DGCR2: variants seen among roughly 807,000 people sequenced by gnomAD.
DGCR2 encodes the protein integral membrane protein DGCR2/IDD.
In DGCR2, 24 loss-of-function variants were observed where a neutral mutation model predicts 51.6. The observed-to-expected ratio is 0.47, with a 90% CI of 0.34 to 0.65. The LOEUF is 0.65. Ranked by LOEUF, DGCR2 falls within the 30% of genes least tolerant of loss-of-function variation. The pLI, the probability that DGCR2 is intolerant of heterozygous loss-of-function variation, is 0.01. For missense variants in DGCR2, 765 were observed against 772.1 expected, an observed-to-expected ratio of 0.99 and a Z score of 0.11; for synonymous variants, 340 against 315.4, an observed-to-expected ratio of 1.08 and a Z score of -0.82.
intron 2 of DGCR2, among the ~76,000 whole-genome samples, chr22:19,072,661 TA>T: frequency 6.6e-6 from 1 of 151,966 alleles, no homozygotes; most frequent in East Asian, 1.9e-4. Flanking sequence ...GATCACAAGG[TA>T]AAGAGATCAA....
intron 2 of DGCR2, among the ~76,000 whole-genome samples, chr22:19,086,896 G>A (rs1481269960): frequency 1.3e-5 from 2 of 152,198 alleles, no homozygotes; most frequent in African/African-American, 4.8e-5. Context: ...AGATGAACAA[G>A]GTGGCAACTA....
At chr22:19,067,677 C>G (rs559808330) in intron 3 of DGCR2, among the ~76,000 whole-genome samples, 1 of 150,392 alleles carries the variant, frequency 6.6e-6, no homozygotes, top group African/African-American at 2.4e-5. Context: ...GGGTGACAAG[C>G]GTGAGACTCC....
chr22:19,049,225 T>C (rs1321896125), intron 6 of DGCR2, among the ~76,000 whole-genome samples: 1 of 152,100 alleles, frequency 6.6e-6, no homozygotes, highest in East Asian at 1.9e-4. Context: ...TCAGAATGTG[T>C]GTAAGGAAGC....
At chr22:19,119,597 G>A (rs1193858583) in intron 1 of DGCR2, among the ~76,000 whole-genome samples, 1 of 152,060 alleles carries the variant, frequency 6.6e-6, no homozygotes, top group South Asian at 2.1e-4. Flanking sequence ...TTAGCCGAGC[G>A]TGGAGGCGTA....
chr22:19,103,499 C>T (rs1414908836), intron 1 of DGCR2, among the ~76,000 whole-genome samples: 1 of 129,440 alleles, frequency 7.7e-6, no homozygotes, highest in Non-Finnish European at 1.6e-5. Flanking sequence ...GGCAAGATCT[C>T]GGCTTACTGC....
chr22:19,044,092 A>G (rs1257435349), intron 7 of DGCR2, among the ~76,000 whole-genome samples: 1 of 152,176 alleles, frequency 6.6e-6, no homozygotes, highest in African/African-American at 2.4e-5. Context: ...TGCAATGACT[A>G]ACTCTTAATC....
Position 19,039,114 on chromosome 22 carries a change from A to G in DGCR2, c.1404T>C (p.Asp468=). Residue 468 remains aspartate, a synonymous_variant, in exon 10 of 10, where the codon GAT becomes GAC. Coordinates refer to ENST00000263196, the MANE Select transcript of DGCR2 (RefSeq NM_005137.3). Reference sequence around the variant, plus strand: ...GGCTGACCTCCACAGGCTCAAAAGCATCATCGTCTGCAGGAAGAGACAGAG... The same window carrying G: ...GGCTGACCTCCACAGGCTCAAAAGCGTCATCGTCTGCAGGAAGAGACAGAG... ...DSVFYDPADD[D]AFEPVEVSLP... is the part of the protein sequence containing the mutation. 1 of 1,613,044 alleles carries G rather than the reference A, an allele frequency of 6.2e-7. No homozygotes were observed. The highest frequency in any genetic ancestry group is 8.5e-7 in the Non-Finnish European group (1 of 1,179,946).
chr22:19,109,033 G>C (rs1459203016), intron 1 of DGCR2, among the ~76,000 whole-genome samples: 1 of 150,882 alleles, frequency 6.6e-6, no homozygotes, highest in Non-Finnish European at 1.5e-5. Flanking sequence ...TGTCTCAAAA[G>C]GAAAAGAAAA....
At chr22:19,109,699 C>T (rs757156489) in intron 1 of DGCR2, among the ~76,000 whole-genome samples, 3 of 152,074 alleles carry the variant, frequency 2.0e-5, no homozygotes, top group Non-Finnish European at 4.4e-5. Context: ...AGATCTGTTG[C>T]ATAACAAGGT....
At chr22:19,084,746 C>T (rs1411781948) in intron 2 of DGCR2, among the ~76,000 whole-genome samples, 9 of 149,700 alleles carry the variant, frequency 6.0e-5, no homozygotes, top group Admixed American at 5.3e-4. Context: ...CCAGCCGCCC[C>T]GTCCGGGAGG....
chr22:19,084,442 G>A lies in DGCR2; in HGVS notation c.202+4926C>T, dbSNP rs1376742951. On this transcript the variant is annotated intron_variant, in intron 2 of 9. Coordinates refer to ENST00000263196, the MANE Select transcript of DGCR2 (RefSeq NM_005137.3). ...TGAGAAGTGAGGAGCCCCTCCGCCC[G>A]GCAGCCGCCCCGTCTGAGAAGTGAG... is the stretch of plus-strand genomic sequence containing the variant. 4.7e-5 allele frequency among the ~76,000 whole-genome samples: 7 copies of A among 147,770 alleles called. No homozygotes were observed. The South Asian group carries it at 8.7e-4, about 18-fold the overall frequency.
chr22:19,059,080 G>A (rs907395673), intron 5 of DGCR2, among the ~76,000 whole-genome samples: 1 of 152,248 alleles, frequency 6.6e-6, no homozygotes, highest in African/African-American at 2.4e-5. Context: ...CATGAACAAG[G>A]CAGCCTGTGG....
intron 1 of DGCR2, among the ~76,000 whole-genome samples, chr22:19,106,324 T>C (rs987411867): frequency 2.6e-5 from 4 of 152,132 alleles, no homozygotes; most frequent in East Asian, 1.9e-4. Flanking sequence ...CAGAGATAAA[T>C]GCTCTGAGAG....
At chr22:19,054,362 A>G (rs2082579224) in intron 6 of DGCR2, among the ~76,000 whole-genome samples, 1 of 152,338 alleles carries the variant, frequency 6.6e-6, no homozygotes, top group East Asian at 1.9e-4. Context: ...AGTCTGTGTA[A>G]ATGGTGTATG....
At position 19,096,733 on chromosome 22, in the gene DGCR2, G is replaced by A. The variant is rs193088392; in HGVS notation, c.80-7243C>T. Reference sequence around the variant, plus strand: ...ACATTCTTTTTTATTTTTTAGAGATGGGGTCTTACTATGTTGCCCAGGCCA... The same window carrying A: ...ACATTCTTTTTTATTTTTTAGAGATAGGGTCTTACTATGTTGCCCAGGCCA... On this transcript the variant is annotated intron_variant, in intron 1 of 9. Coordinates refer to ENST00000263196, the MANE Select transcript of DGCR2 (RefSeq NM_005137.3). 6.8e-3 allele frequency among the ~76,000 whole-genome samples: 1,025 copies of A among 151,844 alleles called. 7 individuals carry two copies. Among genetic ancestry groups the A allele is most frequent in the Non-Finnish European group, 0.011 (742 of 67,948 alleles).
intron 6 of DGCR2, among the ~76,000 whole-genome samples, chr22:19,050,116 T>C (rs550925099): frequency 5.9e-5 from 9 of 152,018 alleles, no homozygotes; most frequent in Non-Finnish European, 1.2e-4. Context: ...AACCTATACA[T>C]CCAGGAAGCT....
chr22:19,065,997 G>C (rs2082744131), intron 3 of DGCR2: 2 of 152,224 alleles, frequency 1.3e-5, no homozygotes, highest in Admixed American at 1.3e-4. Context: ...ATAGATTACA[G>C]AAAAAGAGGG....
At chr22:19,091,758 C>A (rs765532172) in intron 1 of DGCR2, among the ~76,000 whole-genome samples, 9 of 151,286 alleles carry the variant, frequency 5.9e-5, no homozygotes, top group Non-Finnish European at 7.4e-5. Context: ...CGAGACCAGC[C>A]TGGCCAACAT....
At chr22:19,059,856 C>T (rs59903599) in intron 5 of DGCR2, among the ~76,000 whole-genome samples, 5 of 152,084 alleles carry the variant, frequency 3.3e-5, no homozygotes, top group African/African-American at 7.2e-5. Flanking sequence ...CCTCCATGTC[C>T]ACCGCTGCTC....
Sources: gnomAD v4.1 joint callset for allele counts (sites outside exome capture counted in the v4.1 genomes callset) on GRCh38, gnomAD v4.1.1 for gene constraint, MANE v1.5 for transcripts, NCBI Gene and HGNC (gene_info 2026-07-23, HGNC 2026-07-21) for gene names.